The following ASAP1 variants were observed in gnomAD, a reference collection of about 807,000 sequenced individuals.
ASAP1 encodes the protein arf-GAP with SH3 domain, ANK repeat and PH domain-containing protein 1.
A neutral mutation model predicts 145.2 loss-of-function variants in ASAP1; 43 were observed. That is an observed-to-expected ratio of 0.30 (90% CI 0.23 to 0.38). ASAP1 has a LOEUF of 0.38. Among genes scored for constraint, ASAP1 ranks in the 10% least tolerant of loss-of-function variants. The probability of loss-of-function intolerance (pLI) is 1.00; values close to 1 mark genes in which losing one functional copy is unlikely to be tolerated. For missense variants in ASAP1, 1,018 were observed against 1,355.3 expected (o/e 0.75, Z 3.91); for synonymous variants, 546 against 515.5 (o/e 1.06, Z -0.80).
At chr8:130,375,064 C>T (rs1420882782) in intron 2 of ASAP1, among the ~76,000 whole-genome samples, 2 of 152,268 alleles carry the variant, frequency 1.3e-5, no homozygotes, top group South Asian at 2.1e-4. Flanking sequence ...TTTATGGCTC[C>T]GGTTTCCTAA....
chr8:130,392,853 A>G lies in ASAP1; in HGVS notation c.59+9032T>C, dbSNP rs185952163. 2.8e-3 allele frequency among the ~76,000 whole-genome samples: 425 copies of G among 152,212 alleles called. 4 individuals carry two copies. Among genetic ancestry groups the G allele is most frequent in the African/African-American group, 9.9e-3 (412 of 41,522 alleles). On this transcript the variant is annotated intron_variant, in intron 2 of 29. Transcript: ENST00000518721. Reference sequence around the variant, plus strand: ...AAACAGTTGTCACGGGAACTAACAGAGTGAGAACTCATTCATGAGGGATCC... The same window carrying G: ...AAACAGTTGTCACGGGAACTAACAGGGTGAGAACTCATTCATGAGGGATCC...
chr8:130,387,594 A>G (rs1437899914), intron 2 of ASAP1, among the ~76,000 whole-genome samples: 2 of 151,100 alleles, frequency 1.3e-5, no homozygotes, highest in Admixed American at 6.6e-5. Flanking sequence ...TTGTATACAT[A>G]TATCAAAATT....
At chr8:130,130,846 C>G (rs1324025488) in intron 15 of ASAP1, among the ~76,000 whole-genome samples, 1 of 152,044 alleles carries the variant, frequency 6.6e-6, no homozygotes, top group Non-Finnish European at 1.5e-5. Context: ...GAGTTCAAGT[C>G]CAGCCTGGGC....
chr8:130,306,814 G>C (rs778576104), intron 3 of ASAP1, among the ~76,000 whole-genome samples: 2 of 152,160 alleles, frequency 1.3e-5, no homozygotes, highest in African/African-American at 4.8e-5. Context: ...CCATCTCTCT[G>C]TCTTATCTCT....
At chr8:130,257,215 T>C (rs2136934838) in intron 3 of ASAP1, among the ~76,000 whole-genome samples, 1 of 152,196 alleles carries the variant, frequency 6.6e-6, no homozygotes, top group Non-Finnish European at 1.5e-5. Flanking sequence ...TACAATCCAG[T>C]CATTATGGTA....
chr8:130,412,015 C>A (rs1452537226), intron 1 of ASAP1, among the ~76,000 whole-genome samples: 2 of 152,196 alleles, frequency 1.3e-5, no homozygotes, highest in African/African-American at 4.8e-5. Context: ...CCAGTGCTCA[C>A]CAGGTACCAC....
intron 15 of ASAP1, among the ~76,000 whole-genome samples, chr8:130,128,704 G>A (rs926385116): frequency 6.6e-6 from 1 of 152,118 alleles, no homozygotes; most frequent in African/African-American, 2.4e-5. Flanking sequence ...TATGACTACT[G>A]TATGTCCCAA....
At chr8:130,212,518 C>T (rs1816649553) in intron 5 of ASAP1, among the ~76,000 whole-genome samples, 1 of 152,126 alleles carries the variant, frequency 6.6e-6, no homozygotes, top group African/African-American at 2.4e-5. Context: ...TGTTTGGGTT[C>T]AAGTCTGTAA....
In ASAP1 at chr8:130,079,807, A is replaced by G. The variant is rs2097474684; in HGVS notation, c.2642+95T>C. ...CCCCACTTGGCTGACCACAGCTTTG[A>G]GCAGCGCTGGGAAATTCATGAAAAC... On this transcript the variant is annotated intron_variant, in intron 26 of 29. Transcript: ENST00000518721. 3 of 1,306,012 alleles carry G rather than the reference A, an allele frequency of 2.3e-6. No individual in the cohort carries two copies. The East Asian group carries it at 7.0e-5, about 30-fold the overall frequency. The allele number at this position is 1,306,012 out of a possible 1,614,324, so 80.9% of individuals were successfully genotyped here.
At chr8:130,251,315 G>A (rs1819183885) in intron 3 of ASAP1, among the ~76,000 whole-genome samples, 1 of 152,170 alleles carries the variant, frequency 6.6e-6, no homozygotes, top group African/African-American at 2.4e-5. Flanking sequence ...CTAGTCGGGA[G>A]GCTGAGGCAG....
At chr8:130,061,698 C>T (rs578202201) in intron 27 of ASAP1, among the ~76,000 whole-genome samples, 76 of 152,278 alleles carry the variant, frequency 5.0e-4, no homozygotes, top group Admixed American at 1.5e-3. Context: ...GATACACACG[C>T]GTGTGCTATG....
chr8:130,057,892 T>C (rs913661379), intron 29 of ASAP1, 62 bp downstream of exon 29: 7 of 1,598,194 alleles, frequency 4.4e-6, no homozygotes, highest in Non-Finnish European at 6.0e-6. Flanking sequence ...GGCTCCAATG[T>C]GGTGCCTGCC....
Position 130,127,966 on chromosome 8 carries a change from GCCGCTGGA to G in ASAP1, c.1334_1341del (p.Val445AlafsTer5). On this transcript the variant is annotated frameshift_variant, in exon 16 of 30. Coordinates refer to ENST00000518721, the MANE Select transcript of ASAP1 (RefSeq NM_018482.4). LOFTEE classifies it high-confidence loss of function. Reference sequence around the variant, plus strand: ...TCGCAGCAAATGTCATTCCCTGGGAGCCGCTGGACATCCTCAATAATGGCTTTTGTCAG... The same window carrying G: ...TCGCAGCAAATGTCATTCCCTGGGAGCATCCTCAATAATGGCTTTTGTCAG... 6.2e-7 allele frequency: 1 copy of G among 1,614,010 alleles called. No individual in the cohort carries two copies. The highest frequency in any genetic ancestry group is 8.5e-7 in the Non-Finnish European group (1 of 1,180,002).
rs189515204 is a variant in ASAP1 at position 130,240,343 on chromosome 8, T to C, written c.187-3349A>G. The stretch of plus-strand genomic sequence containing the variant: ...TTGAGTGTTTGGCCACTGGCAAAAA[T>C]AAGCTAAATAAAATGCACTTTTAAG... On this transcript the variant is annotated intron_variant, in intron 3 of 29. Transcript: ENST00000518721. Among the ~76,000 whole-genome samples, 10 of 152,102 alleles carry C rather than the reference T, an allele frequency of 6.6e-5. No individual in the cohort carries two copies. The East Asian group carries it at 1.9e-3, about 29-fold the overall frequency.
chr8:130,356,827 G>A (rs1375595118), intron 3 of ASAP1, among the ~76,000 whole-genome samples: 3 of 152,168 alleles, frequency 2.0e-5, no homozygotes, highest in Non-Finnish European at 4.4e-5. Context: ...ATTTCAAGAT[G>A]AGTCGGCCCA....
At chr8:130,122,059 T>C (rs1328023663) in intron 18 of ASAP1, among the ~76,000 whole-genome samples, 27 of 152,152 alleles carry the variant, frequency 1.8e-4, no homozygotes, top group Admixed American at 1.6e-3. Flanking sequence ...TCCAGCTGCC[T>C]GGCTGCTTCC....
intron 11 of ASAP1, among the ~76,000 whole-genome samples, chr8:130,162,802 A>G (rs2097672113): frequency 2.1e-5 from 3 of 145,170 alleles, no homozygotes; most frequent in East Asian, 2.1e-4. Context: ...TGGGCGACAG[A>G]GGGAGACTCC....
rs2097444917 is a variant in ASAP1, at chr8:130,071,011, G to GGGGAGAGAGA, written c.2701+5336_2701+5337insTCTCTCTCCC. ...AGAGAGAGAGAGAGAGGGGAGGGGG[G>GGGGAGAGAGA]GAGAGAGAGAGAGAGAGAGAGAGAG... On this transcript the variant is annotated intron_variant, in intron 27 of 29. Transcript: ENST00000518721. 1.7e-4 allele frequency among the ~76,000 whole-genome samples: 2 copies of GGGGAGAGAGA among 11,438 alleles called. 1 individual carries two copies. Among genetic ancestry groups the GGGGAGAGAGA allele is most frequent in the African/African-American group, 9.0e-4 (2 of 2,234 alleles). 7.5% of individuals were successfully genotyped at this position (11,438 alleles called of 152,430 possible). A position where few individuals can be genotyped will look rare whatever the true frequency, so the allele number is the denominator to read the frequency against.
intron 3 of ASAP1, among the ~76,000 whole-genome samples, chr8:130,355,042 T>A (rs1826223275): frequency 6.6e-6 from 1 of 152,172 alleles, no homozygotes; most frequent in African/African-American, 2.4e-5. Flanking sequence ...TGCGCCATCA[T>A]GCCTGGCTAA....
Sources: allele counts gnomAD v4.1 joint callset (sites outside exome capture counted in the v4.1 genomes callset), GRCh38; gene constraint gnomAD v4.1.1; transcripts MANE v1.5; gene names NCBI Gene and HGNC (gene_info 2026-07-23, HGNC 2026-07-21).